RP1: variants seen among roughly 807,000 people sequenced by gnomAD.
RP1 encodes the protein oxygen-regulated protein 1.
Under a neutral mutation model 14.8 loss-of-function variants are expected in RP1, and 16 were observed. That is an observed-to-expected ratio of 1.08 (90% CI 0.73 to 1.65). The LOEUF (loss-of-function observed/expected upper bound fraction) is 1.65, where lower values mean the gene tolerates loss of function less well. RP1 is among the 40% of genes most tolerant of loss of function. The probability of loss-of-function intolerance (pLI) is 0.00; values close to 1 mark genes in which losing one functional copy is unlikely to be tolerated. For synonymous variants in RP1, 876 were observed against 883.6 expected (o/e 0.99, Z 0.15); for missense variants, 2,631 against 2,535.0 (o/e 1.04, Z -0.81).
intron 24 of RP1, among the ~76,000 whole-genome samples, chr8:54,833,444 C>T (rs1245259100): frequency 6.6e-6 from 1 of 151,834 alleles, no homozygotes; most frequent in Non-Finnish European, 1.5e-5. Context: ...AGAGTTAGGT[C>T]AAAATAAGTT....
At chr8:54,569,645 C>T (rs539780596) in intron 1 of RP1, among the ~76,000 whole-genome samples, 145 of 152,290 alleles carry the variant, frequency 9.5e-4, no homozygotes, top group African/African-American at 3.3e-3. Flanking sequence ...GAAGTTTTTA[C>T]ACCAAGTAAT....
intron 14 of RP1, among the ~76,000 whole-genome samples, chr8:54,703,051 G>A (rs766214414): frequency 6.6e-5 from 10 of 151,982 alleles, no homozygotes; most frequent in South Asian, 2.1e-4. Context: ...ACTCAAAATC[G>A]TTCACGAGGT....
At chr8:54,771,596 C>T (rs1809909093), downstream of RP1, among the ~76,000 whole-genome samples, 2 of 151,698 alleles carry the variant, frequency 1.3e-5, 1 homozygote, top group South Asian at 4.1e-4. Context: ...TTTATGGCCT[C>T]ATTAAAATGT....
At chr8:54,664,062 C>G (rs1281470415) in intron 7 of RP1, among the ~76,000 whole-genome samples, 1 of 152,194 alleles carries the variant, frequency 6.6e-6, no homozygotes, top group Non-Finnish European at 1.5e-5. Flanking sequence ...TCCTTCCCTT[C>G]AGTCCCTAGT....
At chr8:54,581,735 T>C (rs1032373464) in intron 1 of RP1, among the ~76,000 whole-genome samples, 1 of 152,218 alleles carries the variant, frequency 6.6e-6, no homozygotes, top group East Asian at 1.9e-4. Flanking sequence ...GTGCTTTTGA[T>C]TTGCATTTCT....
At chr8:54,834,143 C>A (rs1172166803) in intron 24 of RP1, among the ~76,000 whole-genome samples, 2 of 151,878 alleles carry the variant, frequency 1.3e-5, no homozygotes, top group Non-Finnish European at 2.9e-5. Context: ...AAACTTAAGA[C>A]TTAAGTTTAA....
chr8:54,705,678 G>A (rs1338269337), intron 14 of RP1, among the ~76,000 whole-genome samples: 1 of 152,142 alleles, frequency 6.6e-6, no homozygotes, highest in Non-Finnish European at 1.5e-5. Flanking sequence ...AGACTTCTCT[G>A]GGTAAAGTTA....
In RP1 at chr8:54,627,411, G is replaced by A; in HGVS notation, c.3529G>A (p.Asp1177Asn). Residue 1177 changes from aspartate (D) to asparagine (N), a missense_variant, in exon 4 of 4, where the codon GAT (aspartate) becomes AAT (asparagine). By Grantham distance (23) the Asp-to-Asn change is conservative (BLOSUM62 1). Coordinates refer to ENST00000220676, the MANE Select transcript of RP1 (RefSeq NM_006269.2). ...GCACATAGCTATCACAGAGGAAGCT[G>A]ATGACTTGAAAGCTGCTGTTGCCAA... is the stretch of plus-strand genomic sequence containing the variant. ...LKHIAITEEA[D>N]DLKAAVANLV... The A allele has an allele frequency of 6.2e-7, 1 of 1,614,168 alleles. No homozygotes were observed. The highest frequency in any genetic ancestry group is 1.1e-5 in the South Asian group (1 of 91,078).
At chr8:54,679,870 G>A in exon 12 of RP1, 3 of 1,536,048 alleles carry the variant, frequency 2.0e-6, no homozygotes, top group Non-Finnish European at 2.6e-6. Flanking sequence ...GCTGACTGGA[G>A]GGTTTGTCCG....
At chr8:54,727,552 T>C (rs868535237) in intron 17 of RP1, among the ~76,000 whole-genome samples, 11 of 152,100 alleles carry the variant, frequency 7.2e-5, no homozygotes, top group Admixed American at 2.6e-4. Flanking sequence ...GGCAAAAATA[T>C]TTTTTAAATG....
chr8:54,770,189 C>A, downstream of RP1: 1 of 401,622 alleles, frequency 2.5e-6, no homozygotes. Flanking sequence ...TGCCACTTTT[C>A]ATCTTTTAAT....
intron 12 of RP1, chr8:54,696,405 A>C: frequency 1.5e-6 from 1 of 686,632 alleles, no homozygotes; most frequent in African/African-American, 1.8e-5. Context: ...AAGATGGCGG[A>C]GCAAGAGCAA....
intron 25 of RP1, among the ~76,000 whole-genome samples, chr8:54,837,971 A>G (rs1202183467): frequency 6.6e-6 from 1 of 152,200 alleles, no homozygotes; most frequent in Non-Finnish European, 1.5e-5. Flanking sequence ...GATTTTTTCA[A>G]TCATTAAGAA....
At chr8:54,826,277 A>G (rs1811385073) in intron 24 of RP1, among the ~76,000 whole-genome samples, 1 of 152,184 alleles carries the variant, frequency 6.6e-6, no homozygotes, top group Non-Finnish European at 1.5e-5. Context: ...GAACAGAAAG[A>G]CAAGTCCTTG....
intron 6 of RP1, among the ~76,000 whole-genome samples, chr8:54,662,744 T>G (rs1029116324): frequency 6.6e-6 from 1 of 152,074 alleles, no homozygotes; most frequent in African/African-American, 2.4e-5. Context: ...GGAGGAAAAA[T>G]GGTAAACTCA....
intron 1 of RP1, among the ~76,000 whole-genome samples, chr8:54,594,843 A>G (rs1051249594): frequency 6.6e-6 from 1 of 152,188 alleles, no homozygotes; most frequent in Non-Finnish European, 1.5e-5. Flanking sequence ...ATGAATTAAA[A>G]AGACCATGTA....
intron 27 of RP1, chr8:54,865,790 T>C: frequency 2.7e-6 from 2 of 733,216 alleles, no homozygotes; most frequent in Non-Finnish European, 3.8e-6. Flanking sequence ...TGCTGGTATT[T>C]TTAAGCTAAA....
exon 22 of RP1, chr8:54,758,951 G>T (rs112506083): frequency 1.3e-6 from 2 of 1,535,768 alleles, no homozygotes; most frequent in Non-Finnish European, 1.7e-6. Context: ...CAGCAGTGTC[G>T]CTTGGAAAAC....
At chr8:54,828,882 C>CTTTTTTTTTTTTTTTTTTT (rs201534661) in intron 24 of RP1, among the ~76,000 whole-genome samples, 3 of 83,938 alleles carry the variant, frequency 3.6e-5, no homozygotes, top group African/African-American at 9.6e-5. Context: ...TCTTCTTCTT[C>CTTTTTTTTTTTTTTTTTTT]TTTTTTTTTT....
Sources: allele counts gnomAD v4.1 joint callset (sites outside exome capture counted in the v4.1 genomes callset), GRCh38; gene constraint gnomAD v4.1.1; transcripts MANE v1.5; gene names NCBI Gene and HGNC (gene_info 2026-07-23, HGNC 2026-07-21).